DOCK7: variants seen among roughly 807,000 people sequenced by gnomAD.
DOCK7 encodes dedicator of cytokinesis 7, also known as dedicator of cytokinesis protein 7.
A neutral mutation model predicts 271.0 loss-of-function variants in DOCK7; 138 were observed. The ratio of observed to expected loss-of-function variants is 0.51; its 90% confidence interval spans 0.44 to 0.59. DOCK7 has a LOEUF of 0.59. DOCK7 is among the 20% of genes least tolerant of loss of function. The pLI, the probability that DOCK7 is intolerant of heterozygous loss-of-function variation, is 0.00. For synonymous variants in DOCK7, 823 were observed against 876.1 expected (o/e 0.94, Z 1.07); for missense variants, 2,066 against 2,592.4 (o/e 0.80, Z 4.41).
chr1:62,515,918 G>A (rs957828796), intron 31 of DOCK7, among the ~76,000 whole-genome samples: 2 of 152,176 alleles, frequency 1.3e-5, no homozygotes, highest in African/African-American at 4.8e-5. Context: ...CACAAAAAGT[G>A]TCCTATGCAT....
Position 62,515,875 on chromosome 1 carries a change from A to G in DOCK7, c.3937-1977T>C, listed in dbSNP as rs999589574. Among the ~76,000 whole-genome samples the G allele has an allele frequency of 1.4e-4, 22 of 152,214 alleles. 1 individual carries two copies. Among genetic ancestry groups the G allele is most frequent in the Admixed American group, 1.4e-3 (21 of 15,282 alleles). ...AATTAGGACAATTTGATTTTGGCATATTTTTGGCAGTCAAATGAAACAGAA... is the reference window on the plus strand; with the variant it reads ...AATTAGGACAATTTGATTTTGGCATGTTTTTGGCAGTCAAATGAAACAGAA... On this transcript the variant is annotated intron_variant, in intron 31 of 49. Transcript: ENST00000635253.
In DOCK7 at chr1:62,619,889, T is replaced by C; in HGVS notation, c.1519+11A>G. The stretch of plus-strand genomic sequence containing the variant: ...TAGTTGCAACCATTTCTACTCAAAA[T>C]TTTTAAATACCTGTAATAGGTCTTA... On this transcript the variant is annotated intron_variant, in intron 13 of 49. Transcript: ENST00000635253. 1.3e-6 allele frequency: 2 copies of C among 1,591,120 alleles called. No homozygotes were observed. Among genetic ancestry groups the C allele is most frequent in the Non-Finnish European group, 1.7e-6 (2 of 1,164,052 alleles).
In DOCK7 at chr1:62,492,700, C is replaced by T. The variant is rs1363614722; in HGVS notation, c.5361+4G>A. 2 of 1,613,768 alleles carry T rather than the reference C, an allele frequency of 1.2e-6. No individual in the cohort carries two copies. The highest frequency in any genetic ancestry group is 1.7e-6 in the Non-Finnish European group (2 of 1,179,914). On this transcript the variant is annotated splice_donor_region_variant and intron_variant, in intron 41 of 49. Coordinates refer to ENST00000635253, the MANE Select transcript of DOCK7 (RefSeq NM_001367561.1). Reference sequence around the variant, plus strand: ...TGGGAAAAGAATTAACAAGAGTCATCTACCATAGAGAAGGAAGCAGCTGCT... The same window carrying T: ...TGGGAAAAGAATTAACAAGAGTCATTTACCATAGAGAAGGAAGCAGCTGCT...
chr1:62,527,140 T>C (rs1240139616), intron 31 of DOCK7, among the ~76,000 whole-genome samples: 1 of 152,208 alleles, frequency 6.6e-6, no homozygotes, highest in Non-Finnish European at 1.5e-5. Flanking sequence ...AAAAATGTCA[T>C]TTAAAACTTT....
intron 14 of DOCK7, chr1:62,604,200 CA>C (rs967615027): frequency 6.2e-7 from 1 of 1,613,160 alleles, no homozygotes; most frequent in Non-Finnish European, 8.5e-7. Context: ...GATCACAAAG[CA>C]AAAGGACACT....
At chr1:62,531,580 T>C (rs1645176000) in intron 29 of DOCK7, among the ~76,000 whole-genome samples, 1 of 152,244 alleles carries the variant, frequency 6.6e-6, no homozygotes, top group Non-Finnish European at 1.5e-5. Flanking sequence ...TAGTGTACTG[T>C]TTTGCAGTCT....
chr1:62,491,837 A>C (rs1232050610), intron 41 of DOCK7, among the ~76,000 whole-genome samples: 1 of 152,206 alleles, frequency 6.6e-6, no homozygotes, highest in African/African-American at 2.4e-5. Context: ...GGTTTTAGAA[A>C]ATGTTTGGCA....
chr1:62,652,792 A>C (rs999006997), intron 4 of DOCK7, among the ~76,000 whole-genome samples: 25 of 152,192 alleles, frequency 1.6e-4, no homozygotes, highest in African/African-American at 5.8e-4. Flanking sequence ...AATGTCTAAA[A>C]TTTGGCTACC....
At chr1:62,545,646 G>T (rs966534008) in intron 22 of DOCK7, among the ~76,000 whole-genome samples, 1 of 151,940 alleles carries the variant, frequency 6.6e-6, no homozygotes. Flanking sequence ...ATAATAATGG[G>T]CTACTATTTA....
At chr1:62,684,936 T>A (rs1164127306) in intron 1 of DOCK7, among the ~76,000 whole-genome samples, 10 of 152,216 alleles carry the variant, frequency 6.6e-5, no homozygotes, top group Admixed American at 4.6e-4. Flanking sequence ...ATCATTATAA[T>A]TCTTTTTAAA....
At chr1:62,602,892 A>C (rs1462854228) in intron 14 of DOCK7, among the ~76,000 whole-genome samples, 1 of 151,698 alleles carries the variant, frequency 6.6e-6, no homozygotes, top group Non-Finnish European at 1.5e-5. Flanking sequence ...ACTCAATGCA[A>C]ATTATTCTAT....
At chr1:62,597,819 C>T (rs766843384) in intron 14 of DOCK7, 1 of 1,612,860 alleles carries the variant, frequency 6.2e-7, no homozygotes, top group Non-Finnish European at 8.5e-7. Flanking sequence ...TTTTTATGAT[C>T]TATCGCTGCA....
intron 14 of DOCK7, chr1:62,607,982 T>A (rs1213695801): frequency 6.6e-6 from 1 of 152,266 alleles, no homozygotes; most frequent in Non-Finnish European, 1.5e-5. Context: ...CTTGGGAGGC[T>A]GAGGCAGGAG....
chr1:62,491,756 C>T (rs1172291412), intron 41 of DOCK7, among the ~76,000 whole-genome samples: 1 of 152,226 alleles, frequency 6.6e-6, no homozygotes, highest in African/African-American at 2.4e-5. Flanking sequence ...AGAGCCCTGT[C>T]AGTCTACCAA....
intron 21 of DOCK7, among the ~76,000 whole-genome samples, chr1:62,553,313 TATATA>T (rs1195323753): frequency 5.9e-5 from 3 of 50,666 alleles, no homozygotes; most frequent in East Asian, 6.6e-4. Context: ...AAAAGTATTT[TATATA>T]TATATATATA....
chr1:62,575,389 C>T (rs377097664), intron 18 of DOCK7, among the ~76,000 whole-genome samples: 5 of 152,236 alleles, frequency 3.3e-5, no homozygotes, highest in African/African-American at 9.6e-5. Flanking sequence ...GGATGAAGGC[C>T]TTGATGACGA....
At position 62,618,719 on chromosome 1, in the gene DOCK7, T is replaced by C. The variant is rs1261585941; in HGVS notation, c.1669A>G (p.Asn557Asp). ...AAAATCTCTTACCTGTAAGTAGTGTTTGGAACATAAACATCCCTTGCGGGA... is the reference window on the plus strand; with the variant it reads ...AAAATCTCTTACCTGTAAGTAGTGTCTGGAACATAAACATCCCTTGCGGGA... ...EFPARDVYVP[N>D]TTYRNLLYIY... Residue 557 changes from asparagine (N) to aspartate (D), a missense_variant, in exon 14 of 50, where the codon AAC (asparagine) becomes GAC (aspartate). Asn to Asp is a conservative substitution (Grantham distance 23). Coordinates refer to ENST00000635253, the MANE Select transcript of DOCK7 (RefSeq NM_001367561.1). 1.2e-6 allele frequency: 2 copies of C among 1,613,242 alleles called. No homozygotes were observed. Among genetic ancestry groups the C allele is most frequent in the Non-Finnish European group, 1.7e-6 (2 of 1,179,288 alleles).
intron 48 of DOCK7, chr1:62,458,911 T>C (rs1470964022): frequency 6.6e-6 from 1 of 152,106 alleles, no homozygotes; most frequent in Non-Finnish European, 1.5e-5. Flanking sequence ...TGACAGACAA[T>C]GAAGGAAAGG....
Position 62,662,035 on chromosome 1 carries a change from A to C in DOCK7, c.144+990T>G, listed in dbSNP as rs139499897. ...TTATGTTTTCAAATTTTAGTAACAC[A>C]AACATTATATCATTATAAGTCGATC... On this transcript the variant is annotated intron_variant, in intron 2 of 49. Coordinates refer to ENST00000635253, the MANE Select transcript of DOCK7 (RefSeq NM_001367561.1). Among the ~76,000 whole-genome samples the C allele has an allele frequency of 3.9e-3, 593 of 152,314 alleles. 7 individuals are homozygous for C. Among genetic ancestry groups the C allele is most frequent in the African/African-American group, 0.013 (540 of 41,564 alleles).
Sources: allele counts gnomAD v4.1 joint callset (sites outside exome capture counted in the v4.1 genomes callset), GRCh38; gene constraint gnomAD v4.1.1; transcripts MANE v1.5; gene names NCBI Gene and HGNC (gene_info 2026-07-23, HGNC 2026-07-21).